The following KIAA0232 variants were observed in gnomAD, a reference collection of about 807,000 sequenced individuals.
KIAA0232 encodes the protein uncharacterized protein KIAA0232.
A neutral mutation model predicts 122.0 loss-of-function variants in KIAA0232; 27 were observed. That is an observed-to-expected ratio of 0.22 (90% confidence interval 0.16 to 0.31). KIAA0232 has a LOEUF of 0.31. Among genes scored for constraint, KIAA0232 ranks in the 10% least tolerant of loss-of-function variants. KIAA0232 has a pLI of 1.00. For synonymous variants in KIAA0232, 613 were observed against 587.6 expected (o/e 1.04, Z -0.63); for missense variants, 1,551 against 1,634.2 (o/e 0.95, Z 0.88).
rs550135015 is a variant in KIAA0232, at chr4:6,883,482, G to T, written c.*2516G>T. 2.0e-5 allele frequency: 3 copies of T among 152,320 alleles called. No individual in the cohort carries two copies. The South Asian group carries it at 6.2e-4, about 32-fold the overall frequency. The allele number at this position is 152,320 out of a possible 1,614,324, so 9.4% of individuals were successfully genotyped here. On this transcript the variant is annotated 3_prime_UTR_variant, in exon 10 of 10. Transcript: ENST00000307659. ...TGCCCAGGTTACATTTGTTCTAGAT[G>T]GAGGTCATTTAGCTCTCATTGCAGA...
At chr4:6,786,943 G>T (rs988791507) in intron 1 of KIAA0232, among the ~76,000 whole-genome samples, 9 of 152,234 alleles carry the variant, frequency 5.9e-5, no homozygotes, top group African/African-American at 2.2e-4. Context: ...AGCACCTTGG[G>T]AGGCCGAGGC....
At chr4:6,809,602 T>C (rs1202034644) in intron 2 of KIAA0232, among the ~76,000 whole-genome samples, 1 of 151,246 alleles carries the variant, frequency 6.6e-6, no homozygotes, top group African/African-American at 2.4e-5. Flanking sequence ...GAGAAAGAAA[T>C]AAAAGGCATC....
intron 4 of KIAA0232, among the ~76,000 whole-genome samples, chr4:6,844,126 G>A (rs1293213653): frequency 1.3e-5 from 2 of 151,316 alleles, no homozygotes; most frequent in Non-Finnish European, 2.9e-5. Context: ...TTTTTTAGTA[G>A]TGATGGGGTA....
chr4:6,848,848 T>A (rs1343171730), intron 4 of KIAA0232, among the ~76,000 whole-genome samples: 1 of 152,202 alleles, frequency 6.6e-6, no homozygotes, highest in Non-Finnish European at 1.5e-5. Context: ...CAGAACCCCC[T>A]GGGAAGAAGC....
At chr4:6,782,913 G>A (rs1165981072) in intron 1 of KIAA0232, 72 bp downstream of exon 1, 2 of 150,764 alleles carry the variant, frequency 1.3e-5, no homozygotes, top group Non-Finnish European at 3.0e-5. Context: ...GGCCGGGGAG[G>A]CCGGACGCTC....
chr4:6,808,042 T>C (rs959001921), intron 2 of KIAA0232, among the ~76,000 whole-genome samples: 9 of 152,144 alleles, frequency 5.9e-5, no homozygotes, highest in Non-Finnish European at 1.0e-4. Context: ...CACTCTAGCC[T>C]GGGCAACAGA....
intron 2 of KIAA0232, among the ~76,000 whole-genome samples, chr4:6,818,486 G>GACACACAC (rs34245955): frequency 6.7e-6 from 1 of 149,142 alleles, no homozygotes. Flanking sequence ...ATTTACAATA[G>GACACACAC]ACACACACAC....
chr4:6,816,108 A>G (rs1261011829), intron 2 of KIAA0232, among the ~76,000 whole-genome samples: 2 of 152,074 alleles, frequency 1.3e-5, no homozygotes, highest in Non-Finnish European at 2.9e-5. Flanking sequence ...AGTGAAACGA[A>G]TATTTTAGAG....
intron 3 of KIAA0232, among the ~76,000 whole-genome samples, chr4:6,837,449 G>A (rs1307898392): frequency 2.0e-5 from 3 of 150,474 alleles, no homozygotes; most frequent in Non-Finnish European, 4.4e-5. Context: ...CGGGCAGAGG[G>A]GCTCCTCACA....
chr4:6,806,458 C>T (rs1004218085), intron 2 of KIAA0232, among the ~76,000 whole-genome samples: 2 of 151,984 alleles, frequency 1.3e-5, no homozygotes, highest in Admixed American at 6.6e-5. Context: ...AATAAGAGGC[C>T]TGGCGGTGGC....
At chr4:6,865,476 T>C (rs1721125627) in intron 7 of KIAA0232, among the ~76,000 whole-genome samples, 2 of 152,262 alleles carry the variant, frequency 1.3e-5, no homozygotes, top group African/African-American at 2.4e-5. Context: ...ATTATTTGTA[T>C]TTTTAGTAGA....
chr4:6,810,199 G>A (rs1307729682), intron 2 of KIAA0232, among the ~76,000 whole-genome samples: 4 of 150,992 alleles, frequency 2.6e-5, no homozygotes, highest in South Asian at 4.1e-4. Context: ...TATAGTAACC[G>A]AAACAGCATG....
In KIAA0232 at chr4:6,863,946, T is replaced by G; in HGVS notation, c.3564T>G (p.Ala1188=). The G allele has an allele frequency of 6.2e-7, 1 of 1,614,048 alleles. No homozygotes were observed. Among genetic ancestry groups the G allele is most frequent in the South Asian group, 1.1e-5 (1 of 91,070 alleles). ...RLKKSGMEKS[A]QTSLDSQEES... is the part of the protein sequence containing the mutation. ...AAAAATCTGGGATGGAAAAGAGTGC[T>G]CAGACATCACTGGATTCCCAGGAGG... The change falls in exon 7 of 10, where the codon GCT becomes GCG. Residue 1188 remains alanine (A), a synonymous_variant. Coordinates refer to ENST00000307659, the MANE Select transcript of KIAA0232 (RefSeq NM_014743.3).
At chr4:6,876,612 GA>G (rs761766302) in intron 8 of KIAA0232, 47 bp from the exon 9 acceptor site, 5 of 1,232,966 alleles carry the variant, frequency 4.1e-6, no homozygotes, top group Non-Finnish European at 6.0e-6. Flanking sequence ...TGTCTTAATG[GA>G]ATTTCCCCCT....
At chr4:6,799,341 C>T (rs1717274719) in intron 1 of KIAA0232, among the ~76,000 whole-genome samples, 1 of 150,296 alleles carries the variant, frequency 6.7e-6, no homozygotes, top group Admixed American at 6.7e-5. Context: ...ACCCTGTTTT[C>T]AAATAAGGTA....
intron 2 of KIAA0232, among the ~76,000 whole-genome samples, chr4:6,807,281 T>A (rs1458359479): frequency 6.6e-6 from 1 of 152,378 alleles, no homozygotes; most frequent in South Asian, 2.1e-4. Flanking sequence ...AAATATTTGC[T>A]ACTTCTCTTG....
chr4:6,850,870 A>G (rs181028095), intron 4 of KIAA0232, among the ~76,000 whole-genome samples: 260 of 152,170 alleles, frequency 1.7e-3, no homozygotes, highest in African/African-American at 6.1e-3. Context: ...GGATTTCACC[A>G]TGTTGGCCAG....
chr4:6,855,873 G>T lies in KIAA0232; in HGVS notation c.370-1291G>T. On this transcript the variant is annotated intron_variant, in intron 4 of 9. Coordinates refer to ENST00000307659, the MANE Select transcript of KIAA0232 (RefSeq NM_014743.3). This position sits in a 1 kb window ranked among gnomAD's most constrained non-coding sequence, Gnocchi z 4.3. ...CCGAAGGAAATGGAATATAATTGCC[G>T]TCCTTGTCACACCTTGAGCATTATG... The T allele has an allele frequency of 1.0e-6, 1 of 985,116 alleles. No individual in the cohort carries two copies. The highest frequency in any genetic ancestry group is 1.7e-5 in the African/African-American group (1 of 57,346). 61.0% of individuals were successfully genotyped at this position (985,116 alleles called of 1,614,324 possible).
intron 2 of KIAA0232, among the ~76,000 whole-genome samples, chr4:6,818,577 A>G (rs958677040): frequency 2.0e-5 from 3 of 152,000 alleles, no homozygotes; most frequent in African/African-American, 7.2e-5. Context: ...GGATAACACA[A>G]ACTAATGGAA....
Sources: gnomAD v4.1 joint callset for allele counts (sites outside exome capture counted in the v4.1 genomes callset) on GRCh38, gnomAD v4.1.1 for gene constraint, Gnocchi (gnomAD v3.1) non-coding constraint, MANE v1.5 for transcripts, NCBI Gene and HGNC (gene_info 2026-07-23, HGNC 2026-07-21) for gene names.